The following KIAA1671 variants were observed in gnomAD, a reference collection of about 807,000 sequenced individuals.
The protein encoded by KIAA1671 is KIAA1671.
KIAA1671 carries 52 observed loss-of-function variants against 131.2 expected under a neutral mutation model. That is an observed-to-expected ratio of 0.40 (90% CI 0.32 to 0.50). The LOEUF (loss-of-function observed/expected upper bound fraction) is 0.50. Among genes scored for constraint, KIAA1671 ranks in the 20% least tolerant of loss-of-function variants. The pLI is 0.73. For synonymous variants in KIAA1671, 1,003 were observed against 961.6 expected, an observed-to-expected ratio of 1.04 and a Z score of -0.80; for missense variants, 2,360 against 2,364.2, an observed-to-expected ratio of 1.00 and a Z score of 0.04.
intron 1 of KIAA1671, among the ~76,000 whole-genome samples, chr22:24,967,196 A>T (rs1461470405): frequency 6.6e-6 from 1 of 152,222 alleles, no homozygotes; most frequent in Admixed American, 6.5e-5. Context: ...CAATTTGCTG[A>T]CAGGGCCTAC....
At chr22:25,035,425 G>A (rs1046497624) in intron 4 of KIAA1671, among the ~76,000 whole-genome samples, 1 of 152,096 alleles carries the variant, frequency 6.6e-6, no homozygotes, top group African/African-American at 2.4e-5. Flanking sequence ...CATGTTTTAT[G>A]TTTTAAGAAA....
chr22:25,086,997 A>G (rs923140575), intron 6 of KIAA1671, among the ~76,000 whole-genome samples: 2 of 152,182 alleles, frequency 1.3e-5, no homozygotes, highest in Non-Finnish European at 2.9e-5. Flanking sequence ...AGGCATGGAG[A>G]GAAGAGTTAA....
chr22:25,051,229 GA>G (rs1927516161), intron 6 of KIAA1671: 1 of 152,336 alleles, frequency 6.6e-6, no homozygotes, highest in South Asian at 2.1e-4. Context: ...CAATTCTGGG[GA>G]GTGGCCACAA....
intron 2 of KIAA1671, among the ~76,000 whole-genome samples, chr22:25,026,456 T>G (rs1925947176): frequency 1.3e-5 from 2 of 151,696 alleles, no homozygotes; most frequent in African/African-American, 4.8e-5. Context: ...TGAGGCTGGG[T>G]GTGGTGGCTC....
intron 6 of KIAA1671, among the ~76,000 whole-genome samples, chr22:25,081,764 G>T (rs541725344): frequency 4.6e-5 from 7 of 152,240 alleles, no homozygotes; most frequent in African/African-American, 1.7e-4. Flanking sequence ...TCCAAAGGTT[G>T]CACAGAGCCT....
chr22:24,972,812 G>A (rs1429705010), intron 1 of KIAA1671, among the ~76,000 whole-genome samples: 1 of 152,202 alleles, frequency 6.6e-6, no homozygotes, highest in Non-Finnish European at 1.5e-5. Context: ...TTCTAGTGGG[G>A]AGAAGCAGGC....
Position 25,032,653 on chromosome 22 carries a change from G to C in KIAA1671, c.1586G>C (p.Ser529Thr). ...AGCAACGAAGTCAAATATGAGAAGA[G>C]TGCTGAGCTGAGCGGCGAGTTTCCT... ...ASSNEVKYEK[S>T]AELSGEFPKE... Residue 529 changes from serine to threonine, a missense_variant, in exon 4 of 13, where the codon AGT becomes ACT. Ser to Thr is a moderately conservative substitution (Grantham distance 58, BLOSUM62 1). Coordinates refer to ENST00000358431, the MANE Select transcript of KIAA1671 (RefSeq NM_001145206.2). 2.6e-6 allele frequency: 4 copies of C among 1,548,198 alleles called. No homozygotes were observed. Among genetic ancestry groups the C allele is most frequent in the Non-Finnish European group, 3.5e-6 (4 of 1,144,206 alleles).
chr22:25,094,623 T>G (rs1170400795), intron 6 of KIAA1671, among the ~76,000 whole-genome samples: 1 of 152,106 alleles, frequency 6.6e-6, no homozygotes, highest in Non-Finnish European at 1.5e-5. Flanking sequence ...GGCCTCCTTT[T>G]CTTTCTGAAA....
intron 6 of KIAA1671, among the ~76,000 whole-genome samples, chr22:25,109,229 C>G (rs1292304409): frequency 6.6e-6 from 1 of 152,060 alleles, no homozygotes; most frequent in African/African-American, 2.4e-5. Flanking sequence ...CCTGCCTCAG[C>G]CTCCCAAGTA....
intron 6 of KIAA1671, among the ~76,000 whole-genome samples, chr22:25,147,199 T>G (rs1601356062): frequency 1.9e-5 from 2 of 105,602 alleles, no homozygotes; most frequent in African/African-American, 1.1e-4. Flanking sequence ...TTTATTTTAT[T>G]TTATTTTATT....
At chr22:24,964,027 C>G (rs1007385470) in intron 1 of KIAA1671, among the ~76,000 whole-genome samples, 1 of 151,340 alleles carries the variant, frequency 6.6e-6, no homozygotes, top group Non-Finnish European at 1.5e-5. Flanking sequence ...ATAATGTTAT[C>G]TGTAGTAAAA....
intron 6 of KIAA1671, among the ~76,000 whole-genome samples, chr22:25,155,706 G>A (rs1933209879): frequency 6.6e-6 from 1 of 151,916 alleles, no homozygotes; most frequent in Admixed American, 6.6e-5. Context: ...GTTTATACAT[G>A]TGGTTATGTG....
chr22:25,174,367 G>T lies in KIAA1671; in HGVS notation c.4777G>T (p.Asp1593Tyr), dbSNP rs906582088. 11 of 1,551,946 alleles carry T rather than the reference G, an allele frequency of 7.1e-6. No homozygotes were observed. The highest frequency in any genetic ancestry group is 9.6e-6 in the Non-Finnish European group (11 of 1,147,104). ...AGGGGACCAGTATGACTGCTCCAGG[G>T]ACCAGCGGAGCACCAGCGTGGACCA... ...SAGDQYDCSRDQRSTSVDHSS... is the reference protein window; with the variant it reads ...SAGDQYDCSRYQRSTSVDHSS... Residue 1593 changes from aspartate to tyrosine, a missense_variant, in exon 8 of 13, where the codon GAC becomes TAC. By Grantham distance (160) the Asp-to-Tyr change is radical. Coordinates refer to ENST00000358431, the MANE Select transcript of KIAA1671 (RefSeq NM_001145206.2).
intron 6 of KIAA1671, among the ~76,000 whole-genome samples, chr22:25,087,220 C>T (rs1929772836): frequency 1.3e-5 from 2 of 148,348 alleles, no homozygotes; most frequent in South Asian, 4.4e-4. Flanking sequence ...CTTTTCCAAA[C>T]TTCTCATGCT....
intron 3 of KIAA1671, among the ~76,000 whole-genome samples, chr22:25,030,259 G>A (rs370395993): frequency 0.014 from 2,092 of 152,170 alleles, 29 homozygotes; most frequent in Non-Finnish European, 0.02. Flanking sequence ...GTTCTAGGCC[G>A]GGCGCGGTGG....
intron 6 of KIAA1671, among the ~76,000 whole-genome samples, chr22:25,069,027 C>G (rs1007349891): frequency 6.6e-6 from 1 of 152,156 alleles, no homozygotes; most frequent in Non-Finnish European, 1.5e-5. Flanking sequence ...GTTATGGCCT[C>G]GGCTTATGAG....
At chr22:25,019,397 A>T (rs1207432410) in intron 1 of KIAA1671, among the ~76,000 whole-genome samples, 2 of 152,136 alleles carry the variant, frequency 1.3e-5, no homozygotes, top group Non-Finnish European at 2.9e-5. Flanking sequence ...AGCTTAATAA[A>T]CGATAGTTAT....
intron 1 of KIAA1671, chr22:25,014,952 G>A (rs1925225873): frequency 1.3e-5 from 2 of 152,082 alleles, no homozygotes; most frequent in Non-Finnish European, 2.9e-5. Flanking sequence ...TGTATTTTAG[G>A]TTTTCTGGGC....
In KIAA1671 at chr22:25,190,723, G is replaced by A; in HGVS notation, c.5364G>A (p.Gln1788=). The change falls in exon 12 of 13, where the codon CAG becomes CAA. Residue 1788 remains glutamine, a synonymous_variant. Coordinates refer to ENST00000358431, the MANE Select transcript of KIAA1671 (RefSeq NM_001145206.2). The stretch of plus-strand genomic sequence containing the variant: ...TCAGGTCGGATGAACCCTCTCCCCA[G>A]TGGCTAAAGGAATTGAAATCCAAGA... ...KDERSDEPSP[Q]WLKELKSKKR... 1 of 1,551,842 alleles carries A rather than the reference G, an allele frequency of 6.4e-7. No individual in the cohort carries two copies. Among genetic ancestry groups the A allele is most frequent in the South Asian group, 1.2e-5 (1 of 84,054 alleles).
Sources: gnomAD v4.1 joint callset for allele counts (sites outside exome capture counted in the v4.1 genomes callset) on GRCh38, gnomAD v4.1.1 for gene constraint, MANE v1.5 for transcripts, NCBI Gene and HGNC (gene_info 2026-07-23, HGNC 2026-07-21) for gene names.